DOCK7: variants seen among roughly 807,000 people sequenced by gnomAD.
The protein encoded by DOCK7 is dedicator of cytokinesis protein 7.
DOCK7 carries 138 observed loss-of-function variants against 271.0 expected under a neutral mutation model. The ratio of observed to expected loss-of-function variants is 0.51; its 90% CI spans 0.44 to 0.59. The LOEUF (loss-of-function observed/expected upper bound fraction) is 0.59, where lower values mean the gene tolerates loss of function less well. DOCK7 is among the 20% of genes least tolerant of loss of function. DOCK7 has a pLI of 0.00. For synonymous variants in DOCK7, 823 were observed against 876.1 expected, an observed-to-expected ratio of 0.94 and a Z score of 1.07; for missense variants, 2,066 against 2,592.4, an observed-to-expected ratio of 0.80 and a Z score of 4.41.
At chr1:62,640,383 A>G (rs1229406448) in intron 7 of DOCK7, among the ~76,000 whole-genome samples, 1 of 152,018 alleles carries the variant, frequency 6.6e-6, no homozygotes, top group Non-Finnish European at 1.5e-5. Flanking sequence ...TTAGCCAGGC[A>G]TGGTGGCAGG....
intron 43 of DOCK7, chr1:62,487,156 C>T: frequency 2.9e-6 from 1 of 347,432 alleles, no homozygotes; most frequent in Non-Finnish European, 5.3e-6. Flanking sequence ...CAAAGTGGCT[C>T]ATTTACCAAA....
chr1:62,657,033 C>G (rs745354175), intron 2 of DOCK7, among the ~76,000 whole-genome samples: 20 of 152,292 alleles, frequency 1.3e-4, no homozygotes, highest in Non-Finnish European at 2.2e-4. Flanking sequence ...TCTCTTACTC[C>G]CAAAGTCTCA....
intron 14 of DOCK7, chr1:62,601,912 A>T: frequency 7.1e-7 from 1 of 1,414,072 alleles, no homozygotes. Context: ...AATAGACAGT[A>T]GTTAGTTCAA....
At chr1:62,496,184 C>CA (rs779380781) in intron 38 of DOCK7, among the ~76,000 whole-genome samples, 155 bp downstream of exon 38, 3 of 152,098 alleles carry the variant, frequency 2.0e-5, no homozygotes, top group Non-Finnish European at 4.4e-5. Flanking sequence ...CTTAATAAAA[C>CA]AAAGAGATTC....
intron 12 of DOCK7, among the ~76,000 whole-genome samples, chr1:62,622,801 G>C (rs1386485777): frequency 1.3e-5 from 2 of 152,052 alleles, no homozygotes; most frequent in East Asian, 1.9e-4. Flanking sequence ...ATGGTGGCAG[G>C]CGCCTGTAGT....
chr1:62,577,074 T>C (rs1338715143), intron 18 of DOCK7, among the ~76,000 whole-genome samples, 188 bp downstream of exon 18: 1 of 152,168 alleles, frequency 6.6e-6, no homozygotes, highest in Non-Finnish European at 1.5e-5. Context: ...TAAATTTAAA[T>C]TTAAAAACAG....
intron 14 of DOCK7, among the ~76,000 whole-genome samples, chr1:62,617,744 G>A (rs531877900): frequency 6.6e-6 from 1 of 151,564 alleles, no homozygotes; most frequent in East Asian, 1.9e-4. Flanking sequence ...TTTTAATGTA[G>A]CAATTATAAA....
chr1:62,529,196 G>T, intron 30 of DOCK7, 81 bp downstream of exon 30: 2 of 1,315,738 alleles, frequency 1.5e-6, no homozygotes, highest in Non-Finnish European at 1.0e-6. Context: ...CCTAAAATAA[G>T]ATCTTCATCC....
chr1:62,514,705 C>T (rs2149342725), intron 31 of DOCK7, among the ~76,000 whole-genome samples: 1 of 140,776 alleles, frequency 7.1e-6, no homozygotes, highest in African/African-American at 2.5e-5. Flanking sequence ...AGAAACTATG[C>T]TAATCATGTT....
intron 1 of DOCK7, among the ~76,000 whole-genome samples, chr1:62,683,306 G>C (rs563362054): frequency 5.3e-4 from 81 of 152,334 alleles, no homozygotes; most frequent in African/African-American, 1.9e-3. Flanking sequence ...CACGGAAGTA[G>C]TTGGTAATAT....
In DOCK7 at chr1:62,552,654, ATACAT is replaced by A. The variant is rs1479366922; in HGVS notation, c.2766+73_2766+77del. 3 of 1,381,848 alleles carry A rather than the reference ATACAT, an allele frequency of 2.2e-6. No homozygotes were observed. In the East Asian group the frequency reaches 7.3e-5, roughly 33 times the overall value. 85.6% of individuals were successfully genotyped at this position (1,381,848 alleles called of 1,614,324 possible). A position where few individuals can be genotyped will look rare whatever the true frequency, so the allele number is the denominator to read the frequency against. The stretch of plus-strand genomic sequence containing the variant: ...ACTTACATACATCTCAAAATTCAGA[ATACAT>A]TACAACAACTGGATATTTCTCGTTT... On this transcript the variant is annotated intron_variant, in intron 22 of 49. Coordinates refer to ENST00000635253, the MANE Select transcript of DOCK7 (RefSeq NM_001367561.1).
At chr1:62,470,217 T>C (rs765369251) in intron 48 of DOCK7, among the ~76,000 whole-genome samples, 2 of 152,156 alleles carry the variant, frequency 1.3e-5, no homozygotes, top group Non-Finnish European at 2.9e-5. Flanking sequence ...ATACATACGA[T>C]GGAATATTAC....
intron 36 of DOCK7, 55 bp from the exon 37 acceptor site, chr1:62,504,837 A>G: frequency 6.3e-7 from 1 of 1,578,422 alleles, no homozygotes; most frequent in Non-Finnish European, 8.6e-7. Context: ...AGTTTCTGAG[A>G]TATGTTAATA....
chr1:62,472,517 GA>G (rs2149253834), intron 48 of DOCK7, among the ~76,000 whole-genome samples: 1 of 152,280 alleles, frequency 6.6e-6, no homozygotes, highest in African/African-American at 2.4e-5. Flanking sequence ...TATACAAAAA[GA>G]AGGACATTTA....
At chr1:62,604,431 G>T in intron 14 of DOCK7, 2 of 890,768 alleles carry the variant, frequency 2.2e-6, no homozygotes, top group South Asian at 3.6e-5. Flanking sequence ...ATCTTCCTCA[G>T]ATTTTCTATT....
chr1:62,596,607 C>A (rs1390123636), intron 14 of DOCK7, among the ~76,000 whole-genome samples: 2 of 151,910 alleles, frequency 1.3e-5, no homozygotes, highest in East Asian at 3.9e-4. Context: ...CCAGTATTTC[C>A]AGACCAGCAT....
At chr1:62,574,692 C>T (rs1646889431) in intron 18 of DOCK7, among the ~76,000 whole-genome samples, 1 of 152,124 alleles carries the variant, frequency 6.6e-6, no homozygotes, top group Non-Finnish European at 1.5e-5. Context: ...AAAACTAAAA[C>T]AAACGAATAA....
At chr1:62,565,652 A>C (rs981463419) in intron 18 of DOCK7, among the ~76,000 whole-genome samples, 70 of 152,234 alleles carry the variant, frequency 4.6e-4, no homozygotes, top group African/African-American at 1.5e-3. Context: ...AACTGGCACA[A>C]GACAAGGATG....
chr1:62,562,683 T>A (rs1266770975), intron 18 of DOCK7, among the ~76,000 whole-genome samples: 1 of 152,100 alleles, frequency 6.6e-6, no homozygotes, highest in Non-Finnish European at 1.5e-5. Context: ...AGAAAAAAGA[T>A]GATAGGCTAG....
Sources: allele counts gnomAD v4.1 joint callset (sites outside exome capture counted in the v4.1 genomes callset), GRCh38; gene constraint gnomAD v4.1.1; transcripts MANE v1.5; gene names NCBI Gene and HGNC (gene_info 2026-07-23, HGNC 2026-07-21).